The following IFT80 variants were observed in gnomAD, a reference collection of about 807,000 sequenced individuals.
IFT80 encodes intraflagellar transport 80, also known as intraflagellar transport protein 80 homolog.
IFT80 carries 79 observed loss-of-function variants against 107.9 expected under a neutral mutation model. The ratio of observed to expected loss-of-function variants is 0.73; its 90% CI spans 0.61 to 0.88. The LOEUF is 0.88. Among genes scored for constraint, IFT80 ranks in the 40% least tolerant of loss-of-function variants. The probability of loss-of-function intolerance (pLI) is 0.00; values close to 1 mark genes in which losing one functional copy is unlikely to be tolerated. For synonymous variants in IFT80, 299 were observed against 300.9 expected (o/e 0.99, Z 0.07); for missense variants, 797 against 914.2 (o/e 0.87, Z 1.65).
At chr3:160,363,408 G>T (rs1324543467) in intron 6 of IFT80, among the ~76,000 whole-genome samples, 2 of 152,068 alleles carry the variant, frequency 1.3e-5, no homozygotes, top group East Asian at 3.9e-4. Context: ...ATAGATACGA[G>T]GAATCAGTAT....
At chr3:160,305,708 T>C (rs1310744563) in intron 10 of IFT80, among the ~76,000 whole-genome samples, 4 of 152,168 alleles carry the variant, frequency 2.6e-5, no homozygotes, top group Admixed American at 1.3e-4. Flanking sequence ...AATGCTTATA[T>C]ATTGTTTTCT....
At chr3:160,274,421 C>G (rs1289412530) in intron 18 of IFT80, 1 of 151,968 alleles carries the variant, frequency 6.6e-6, no homozygotes, top group Non-Finnish European at 1.5e-5. Context: ...GTGATACCTA[C>G]TCACTCACTG....
intron 3 of IFT80, among the ~76,000 whole-genome samples, chr3:160,380,927 C>T (rs143035833): frequency 6.6e-6 from 1 of 151,864 alleles, no homozygotes; most frequent in Non-Finnish European, 1.5e-5. Context: ...TAACTCAACT[C>T]ATAAGAGTAC....
At chr3:160,375,465 A>G (rs1401385197) in intron 5 of IFT80, among the ~76,000 whole-genome samples, 1 of 152,182 alleles carries the variant, frequency 6.6e-6, no homozygotes. Flanking sequence ...TTTTCGTACT[A>G]TGATTTACTT....
intron 8 of IFT80, among the ~76,000 whole-genome samples, chr3:160,333,282 T>C (rs1274942265): frequency 2.0e-5 from 3 of 152,208 alleles, no homozygotes; most frequent in Non-Finnish European, 2.9e-5. Flanking sequence ...CCTGAAACAC[T>C]ACTGCATACT....
At chr3:160,259,485 C>T (rs1038885773) in intron 19 of IFT80, among the ~76,000 whole-genome samples, 5 of 152,144 alleles carry the variant, frequency 3.3e-5, no homozygotes, top group African/African-American at 1.2e-4. Flanking sequence ...GTGAAAGTGG[C>T]TCCTTTGCAC....
At chr3:160,321,824 TA>T (rs1380806476) in intron 8 of IFT80, among the ~76,000 whole-genome samples, 1 of 151,664 alleles carries the variant, frequency 6.6e-6, no homozygotes, top group African/African-American at 2.4e-5. Flanking sequence ...TTTTTATTTT[TA>T]TTTTTTTATA....
intron 3 of IFT80, among the ~76,000 whole-genome samples, chr3:160,380,176 G>A (rs948483116): frequency 6.6e-6 from 1 of 151,810 alleles, no homozygotes; most frequent in Non-Finnish European, 1.5e-5. Context: ...GGGACTATAG[G>A]CATGTGCCAC....
At chr3:160,302,917 T>C (rs2108270041) in intron 11 of IFT80, among the ~76,000 whole-genome samples, 1 of 152,248 alleles carries the variant, frequency 6.6e-6, no homozygotes, top group East Asian at 1.9e-4. Context: ...TAAGAATCTG[T>C]TGGTGCACAG....
intron 8 of IFT80, 91 bp downstream of exon 8, chr3:160,355,922 G>C: frequency 7.0e-7 from 1 of 1,431,394 alleles, no homozygotes; most frequent in African/African-American, 1.4e-5. Flanking sequence ...TGCATCCATT[G>C]AAAATGTTTT....
At chr3:160,320,676 C>T (rs1173019755) in intron 8 of IFT80, among the ~76,000 whole-genome samples, 1 of 151,734 alleles carries the variant, frequency 6.6e-6, no homozygotes, top group Non-Finnish European at 1.5e-5. Flanking sequence ...AACTTATATA[C>T]ATATTCTCTT....
chr3:160,368,359 C>CAAAAAAAAAAAAAAAAAAAAAACAAAAAA, intron 5 of IFT80, among the ~76,000 whole-genome samples: 1 of 90,638 alleles, frequency 1.1e-5, no homozygotes, highest in Non-Finnish European at 2.2e-5. Flanking sequence ...AGACCCAGTC[C>CAAAAAAAAAAAAAAAAAAAAAACAAAAAA]AAAAAAAAAA....
rs1461271504 is a variant in IFT80, at chr3:160,381,727, G to A, written c.38-3C>T. 5 of 1,607,632 alleles carry A rather than the reference G, an allele frequency of 3.1e-6. No individual in the cohort carries two copies. The highest frequency in any genetic ancestry group is 2.2e-5 in the South Asian group (2 of 90,914). ...CACACAGCTTACTAATTCTTGATGT[G>A]TCACCATGTTAAAGAGACATAAAAC... On this transcript the variant is annotated splice_region_variant and splice_polypyrimidine_tract_variant and intron_variant, in intron 2 of 19. Coordinates refer to ENST00000326448, the MANE Select transcript of IFT80 (RefSeq NM_020800.3).
At chr3:160,388,266 A>C (rs1009683778) in intron 1 of IFT80, among the ~76,000 whole-genome samples, 1 of 151,594 alleles carries the variant, frequency 6.6e-6, no homozygotes, top group Non-Finnish European at 1.5e-5. Flanking sequence ...TAATGAAAAA[A>C]TCACATCAAT....
At chr3:160,298,316 AT>A (rs1314953534) in intron 12 of IFT80, among the ~76,000 whole-genome samples, 1 of 152,146 alleles carries the variant, frequency 6.6e-6, no homozygotes, top group African/African-American at 2.4e-5. Context: ...ATAAATGCTA[AT>A]TTTTTTAAAA....
chr3:160,322,735 G>C (rs1559939309), intron 8 of IFT80, among the ~76,000 whole-genome samples: 1 of 152,108 alleles, frequency 6.6e-6, no homozygotes, highest in Non-Finnish European at 1.5e-5. Context: ...ATTCTAACTG[G>C]TGTGAGATGG....
intron 12 of IFT80, among the ~76,000 whole-genome samples, chr3:160,296,867 A>C (rs1438018949): frequency 6.6e-6 from 1 of 152,186 alleles, no homozygotes; most frequent in East Asian, 1.9e-4. Context: ...TGTGGGCTAC[A>C]CATAACATTG....
intron 3 of IFT80, among the ~76,000 whole-genome samples, chr3:160,381,265 T>TATATATATATATATATATATATATATATA (rs1559971346): frequency 5.9e-4 from 80 of 135,276 alleles, no homozygotes; most frequent in Non-Finnish European, 9.3e-4. Flanking sequence ...TATATATATA[T>TATATATATATATATATATATATATATATA]TAAAGCCAAA....
At chr3:160,327,272 T>C (rs1463701989) in intron 8 of IFT80, among the ~76,000 whole-genome samples, 1 of 152,150 alleles carries the variant, frequency 6.6e-6, no homozygotes, top group African/African-American at 2.4e-5. Context: ...ATACATTAAA[T>C]GCTATTCCCA....
Sources: gnomAD v4.1 joint callset for allele counts (sites outside exome capture counted in the v4.1 genomes callset) on GRCh38, gnomAD v4.1.1 for gene constraint, MANE v1.5 for transcripts, NCBI Gene and HGNC (gene_info 2026-07-23, HGNC 2026-07-21) for gene names.